Variants in STAU2 observed in about 807,000 individuals in gnomAD.
STAU2 encodes the protein double-stranded RNA-binding protein Staufen homolog 2.
In STAU2, 20 loss-of-function variants were observed where a neutral mutation model predicts 65.9. The observed-to-expected ratio is 0.30, with a 90% CI of 0.21 to 0.44. The LOEUF (loss-of-function observed/expected upper bound fraction) is 0.44. Among genes scored for constraint, STAU2 ranks in the 20% least tolerant of loss-of-function variants. The pLI is 1.00. For synonymous variants in STAU2, 232 were observed against 233.9 expected, an observed-to-expected ratio of 0.99 and a Z score of 0.07; for missense variants, 558 against 683.9, an observed-to-expected ratio of 0.82 and a Z score of 2.05.
At chr8:73,625,461 T>C (rs1813566658) in intron 6 of STAU2, among the ~76,000 whole-genome samples, 1 of 152,218 alleles carries the variant, frequency 6.6e-6, no homozygotes, top group African/African-American at 2.4e-5. Flanking sequence ...AAAGAGTATA[T>C]ACTCTATGAT....
At chr8:73,683,060 T>C (rs1818545961) in intron 5 of STAU2, among the ~76,000 whole-genome samples, 1 of 152,084 alleles carries the variant, frequency 6.6e-6, no homozygotes, top group Admixed American at 6.6e-5. Flanking sequence ...ATTAATCCTA[T>C]TGGCACTATT....
At chr8:73,732,824 C>T (rs2130756921) in intron 3 of STAU2, 1 of 152,294 alleles carries the variant, frequency 6.6e-6, no homozygotes, top group African/African-American at 2.4e-5. Context: ...GCCCTCCTTT[C>T]CCACCAATTT....
At chr8:73,674,698 T>G (rs924882653) in intron 5 of STAU2, among the ~76,000 whole-genome samples, 5 of 141,290 alleles carry the variant, frequency 3.5e-5, no homozygotes, top group Non-Finnish European at 7.7e-5. Flanking sequence ...TATTATAAAA[T>G]TATTTTATAT....
intron 3 of STAU2, 161 bp from the exon 4 acceptor site, chr8:73,709,323 G>T (rs1335576030): frequency 4.7e-6 from 3 of 640,074 alleles, no homozygotes; most frequent in Admixed American, 7.2e-5. Context: ...ACATGCAACA[G>T]AAATATGTAT....
At chr8:73,546,736 A>G (rs754066557) in intron 13 of STAU2, among the ~76,000 whole-genome samples, 1 of 152,202 alleles carries the variant, frequency 6.6e-6, no homozygotes, top group Non-Finnish European at 1.5e-5. Flanking sequence ...GGGGAAAAAA[A>G]AATCTCCTTA....
At chr8:73,518,786 T>A (rs1414283671) in intron 13 of STAU2, among the ~76,000 whole-genome samples, 1 of 152,114 alleles carries the variant, frequency 6.6e-6, no homozygotes, top group Non-Finnish European at 1.5e-5. Context: ...CCTGCTGTAA[T>A]TTTGTTTAAG....
At chr8:73,570,555 A>G (rs1025812574) in intron 12 of STAU2, among the ~76,000 whole-genome samples, 1 of 152,230 alleles carries the variant, frequency 6.6e-6, no homozygotes, top group African/African-American at 2.4e-5. Flanking sequence ...AACTTCCCCA[A>G]CCTAGCAAGG....
At position 73,633,297 on chromosome 8, in the gene STAU2, A is replaced by T. The variant is rs373133792; in HGVS notation, c.411-15846T>A. Among the ~76,000 whole-genome samples the T allele has an allele frequency of 1.4e-4, 21 of 152,322 alleles. No homozygotes were observed. In the South Asian group the frequency reaches 4.1e-3, roughly 30 times the overall value. ...AGATAAGTTGCTTGGCCTAGGCGGA[A>T]CCAGGTTTCAAATGAAGATAGAGTG... On this transcript the variant is annotated intron_variant, in intron 6 of 14. Coordinates refer to ENST00000524300, the MANE Select transcript of STAU2 (RefSeq NM_001164380.2).
intron 13 of STAU2, among the ~76,000 whole-genome samples, chr8:73,453,787 A>T (rs190263568): frequency 0.012 from 1,797 of 144,080 alleles, 15 homozygotes; most frequent in Non-Finnish European, 0.02. Context: ...TCTTTTTTTT[A>T]AAAAAAAAAG....
intron 3 of STAU2, among the ~76,000 whole-genome samples, chr8:73,738,056 C>G (rs1386319277): frequency 6.6e-6 from 1 of 152,178 alleles, no homozygotes; most frequent in East Asian, 1.9e-4. Context: ...GAAGAACAGA[C>G]AAACCTTCTG....
chr8:73,483,927 A>G lies in STAU2; in HGVS notation c.1531-61225T>C, dbSNP rs546328884. Among the ~76,000 whole-genome samples the G allele has an allele frequency of 5.3e-5, 8 of 152,244 alleles. 2 individuals are homozygous for G. The highest frequency in any genetic ancestry group is 1.9e-4 in the African/African-American group (8 of 41,570). Reference sequence around the variant, plus strand: ...TGTTTACAGAGTCACTGCTCTTGCTAGTTCTTTTCTTTTAAATGCTAAGGA... The same window carrying G: ...TGTTTACAGAGTCACTGCTCTTGCTGGTTCTTTTCTTTTAAATGCTAAGGA... On this transcript the variant is annotated intron_variant, in intron 13 of 14. Transcript: ENST00000524300.
intron 13 of STAU2, among the ~76,000 whole-genome samples, chr8:73,454,249 T>C (rs1446400404): frequency 6.6e-6 from 1 of 152,226 alleles, no homozygotes; most frequent in Admixed American, 6.5e-5. Context: ...TGTGTTTTGC[T>C]ACACATGCCA....
intron 13 of STAU2, among the ~76,000 whole-genome samples, chr8:73,546,614 T>C (rs766368821): frequency 1.3e-5 from 2 of 152,210 alleles, no homozygotes; most frequent in African/African-American, 2.4e-5. Context: ...GAGCAATTTT[T>C]TGAGTATGCA....
intron 6 of STAU2, among the ~76,000 whole-genome samples, chr8:73,650,795 T>C (rs1159676154): frequency 1.3e-5 from 2 of 152,118 alleles, no homozygotes; most frequent in Non-Finnish European, 2.9e-5. Context: ...TTCTTACACC[T>C]AGAAATCAAA....
chr8:73,439,744 A>G (rs1817993119), intron 13 of STAU2: 1 of 152,292 alleles, frequency 6.6e-6, no homozygotes, highest in African/African-American at 2.4e-5. Flanking sequence ...TAACTCACTT[A>G]ATCTTCACAG....
chr8:73,641,273 G>A (rs1052103029), intron 6 of STAU2, among the ~76,000 whole-genome samples: 1 of 151,984 alleles, frequency 6.6e-6, no homozygotes, highest in African/African-American at 2.4e-5. Flanking sequence ...GTGGGAGGAT[G>A]GCTTGACCCC....
At chr8:73,442,341 G>A (rs756391590) in intron 13 of STAU2, among the ~76,000 whole-genome samples, 4 of 129,838 alleles carry the variant, frequency 3.1e-5, no homozygotes, top group South Asian at 2.4e-4. Context: ...GCGACAGAGC[G>A]AGACTCCGTC....
intron 6 of STAU2, among the ~76,000 whole-genome samples, chr8:73,646,938 GACACACACACACACACACAC>G (rs142043134): frequency 2.8e-5 from 4 of 143,968 alleles, no homozygotes; most frequent in Non-Finnish European, 4.6e-5. Flanking sequence ...CACACAGCCA[GACACACACACACACACACAC>G]ACACACACAC....
intron 6 of STAU2, among the ~76,000 whole-genome samples, chr8:73,618,536 A>T (rs1813001854): frequency 6.6e-6 from 1 of 152,216 alleles, no homozygotes; most frequent in Non-Finnish European, 1.5e-5. Context: ...AAGAGGTGGC[A>T]AGATTCCATA....
Sources: gnomAD v4.1 joint callset for allele counts (sites outside exome capture counted in the v4.1 genomes callset) on GRCh38, gnomAD v4.1.1 for gene constraint, MANE v1.5 for transcripts, NCBI Gene and HGNC (gene_info 2026-07-23, HGNC 2026-07-21) for gene names.